Variants in RGS6 observed in about 807,000 individuals in gnomAD.
The protein encoded by RGS6 is regulator of G-protein signaling 6.
Under a neutral mutation model 78.5 loss-of-function variants are expected in RGS6, and 30 were observed. The observed-to-expected ratio is 0.38, with a 90% CI of 0.29 to 0.52. The LOEUF (loss-of-function observed/expected upper bound fraction) is 0.52, where lower values mean the gene tolerates loss of function less well. RGS6 is among the 20% of genes least tolerant of loss of function. The pLI, the probability that RGS6 is intolerant of heterozygous loss-of-function variation, is 0.85. For missense variants in RGS6, 495 were observed against 609.7 expected (o/e 0.81, Z 1.98); for synonymous variants, 206 against 206.0 (o/e 1.00, Z 0.00).
intron 2 of RGS6, among the ~76,000 whole-genome samples, chr14:72,072,219 A>G (rs1185993076): frequency 2.0e-5 from 3 of 152,066 alleles, no homozygotes; most frequent in Admixed American, 6.5e-5. Flanking sequence ...CTTATTCTCA[A>G]TGGACCTTCT....
intron 15 of RGS6, among the ~76,000 whole-genome samples, chr14:72,524,906 T>A (rs898348793): frequency 1.3e-5 from 2 of 152,214 alleles, no homozygotes; most frequent in African/African-American, 4.8e-5. Context: ...ATCCTTGCAG[T>A]TTCCCACCTC....
chr14:72,314,195 T>C (rs577170699), intron 2 of RGS6, among the ~76,000 whole-genome samples: 5 of 152,128 alleles, frequency 3.3e-5, no homozygotes, highest in Non-Finnish European at 7.4e-5. Flanking sequence ...GGGTTGGAAG[T>C]TGGGGAGAGG....
At chr14:72,232,173 G>A (rs7157673) in intron 2 of RGS6, among the ~76,000 whole-genome samples, 74,607 of 151,984 alleles carry the variant, frequency 0.49, 18,588 homozygotes, top group Middle Eastern at 0.65. Flanking sequence ...CAGCCTGCCA[G>A]CGAAGACCAA....
intron 3 of RGS6, among the ~76,000 whole-genome samples, chr14:72,430,253 A>G (rs2094573411): frequency 6.6e-6 from 1 of 152,178 alleles, no homozygotes; most frequent in African/African-American, 2.4e-5. Flanking sequence ...CACGTGATAG[A>G]TAGTCTGTAT....
chr14:72,254,634 C>T (rs1418028603), intron 2 of RGS6, among the ~76,000 whole-genome samples: 1 of 152,140 alleles, frequency 6.6e-6, no homozygotes, highest in African/African-American at 2.4e-5. Flanking sequence ...ACTGATATTT[C>T]TAGAAAGTTC....
intron 2 of RGS6, among the ~76,000 whole-genome samples, chr14:72,226,789 A>G (rs1392517787): frequency 2.0e-5 from 3 of 152,132 alleles, no homozygotes; most frequent in African/African-American, 7.2e-5. Flanking sequence ...TGCAACCTCC[A>G]CCTCCTGGGT....
the RGS6 span, among the ~76,000 whole-genome samples, chr14:72,623,851 G>T: frequency 6.6e-6 from 1 of 152,126 alleles, no homozygotes; most frequent in Non-Finnish European, 1.5e-5. Context: ...CCACTAAAAG[G>T]AATTAGGAGT....
At chr14:72,387,464 G>A (rs1381898627) in intron 3 of RGS6, among the ~76,000 whole-genome samples, 1 of 152,098 alleles carries the variant, frequency 6.6e-6, no homozygotes, top group South Asian at 2.1e-4. Flanking sequence ...CAGGAGAATG[G>A]CGTGAACCCA....
intron 17 of RGS6, chr14:72,552,927 T>G (rs2097526978): frequency 6.6e-6 from 1 of 152,196 alleles, no homozygotes; most frequent in Non-Finnish European, 1.5e-5. Context: ...CAGAGTGGCA[T>G]CTTAGGAGCT....
intron 2 of RGS6, chr14:71,990,434 A>T: frequency 2.8e-6 from 1 of 362,732 alleles, no homozygotes; most frequent in Admixed American, 3.7e-5. Context: ...ATTGGGAAAC[A>T]CATCTTCCAA....
chr14:71,965,929 ATGACGGGGTTTT>A (rs1375891064), intron 2 of RGS6, among the ~76,000 whole-genome samples: 1 of 152,228 alleles, frequency 6.6e-6, no homozygotes, highest in Non-Finnish European at 1.5e-5. Flanking sequence ...AGGGTCAAAG[ATGACGGGGTTTT>A]TGACGTTGGG....
chr14:72,142,845 G>A (rs192380195), intron 2 of RGS6, among the ~76,000 whole-genome samples: 1 of 152,286 alleles, frequency 6.6e-6, no homozygotes, highest in East Asian at 1.9e-4. Flanking sequence ...TGCTGCAGGA[G>A]AGGCCCATAA....
chr14:72,214,751 G>T (rs1385162417), intron 2 of RGS6, among the ~76,000 whole-genome samples: 1 of 152,056 alleles, frequency 6.6e-6, no homozygotes, highest in East Asian at 1.9e-4. Flanking sequence ...TTGAGCCCAG[G>T]AGTTTGAGTC....
chr14:72,169,328 A>G (rs1451815706), intron 2 of RGS6, among the ~76,000 whole-genome samples: 5 of 151,332 alleles, frequency 3.3e-5, no homozygotes, highest in African/African-American at 1.2e-4. Context: ...GAATTACAAT[A>G]CGGATGTCTT....
intron 1 of RGS6, among the ~76,000 whole-genome samples, chr14:71,961,300 G>T (rs1021181180): frequency 6.6e-6 from 1 of 152,170 alleles, no homozygotes; most frequent in East Asian, 1.9e-4. Context: ...GGTTCTGAGG[G>T]TCTAGCTCAG....
At chr14:72,064,103 A>C (rs2094021112) in intron 2 of RGS6, among the ~76,000 whole-genome samples, 1 of 152,004 alleles carries the variant, frequency 6.6e-6, no homozygotes, top group Non-Finnish European at 1.5e-5. Flanking sequence ...ATAATGTGGA[A>C]GTGGAGATGG....
intron 1 of RGS6, among the ~76,000 whole-genome samples, chr14:71,951,771 G>T (rs541100366): frequency 6.6e-6 from 1 of 151,950 alleles, no homozygotes; most frequent in Non-Finnish European, 1.5e-5. Context: ...TGTCTCTCAC[G>T]TCTGTCAGCA....
chr14:72,398,815 T>C (rs2091907777), intron 3 of RGS6, among the ~76,000 whole-genome samples: 1 of 152,206 alleles, frequency 6.6e-6, no homozygotes, highest in East Asian at 1.9e-4. Flanking sequence ...ATGTACCCAG[T>C]AGCCATTCAG....
intron 17 of RGS6, among the ~76,000 whole-genome samples, chr14:72,555,791 G>T (rs944683817): frequency 7.2e-5 from 11 of 152,280 alleles, no homozygotes; most frequent in African/African-American, 2.7e-4. Context: ...ACATAAGTAA[G>T]TGCGGGTGCT....
Sources: allele counts gnomAD v4.1 joint callset (sites outside exome capture counted in the v4.1 genomes callset), GRCh38; gene constraint gnomAD v4.1.1; transcripts MANE v1.5; gene names NCBI Gene and HGNC (gene_info 2026-07-23, HGNC 2026-07-21).